Variants in NR6A1 observed in about 807,000 individuals in gnomAD.
NR6A1 encodes the protein retinoic acid receptor-related testis-associated receptor.
Under a neutral mutation model 59.1 loss-of-function variants are expected in NR6A1, and 7 were observed. That is an observed-to-expected ratio of 0.12 (90% CI 0.07 to 0.22). The LOEUF (loss-of-function observed/expected upper bound fraction) is 0.22. Among genes scored for constraint, NR6A1 ranks in the 10% least tolerant of loss-of-function variants. NR6A1 has a pLI of 1.00. For synonymous variants in NR6A1, 243 were observed against 236.1 expected, an observed-to-expected ratio of 1.03 and a Z score of -0.27; for missense variants, 468 against 611.6, an observed-to-expected ratio of 0.77 and a Z score of 2.48.
At chr9:124,610,922 C>T (rs946392406) in intron 2 of NR6A1, among the ~76,000 whole-genome samples, 2 of 152,088 alleles carry the variant, frequency 1.3e-5, no homozygotes, top group African/African-American at 4.8e-5. Context: ...GAGTTCAATA[C>T]ACCAAGCTGA....
At chr9:124,653,426 T>C (rs1837159689) in intron 2 of NR6A1, among the ~76,000 whole-genome samples, 1 of 152,156 alleles carries the variant, frequency 6.6e-6, no homozygotes, top group Non-Finnish European at 1.5e-5. Flanking sequence ...TTTGTTGTTG[T>C]TTTTTAAGAG....
chr9:124,664,067 C>T lies in NR6A1; in HGVS notation c.142+69241G>A, dbSNP rs528345866. 2.0e-5 allele frequency among the ~76,000 whole-genome samples: 3 copies of T among 152,148 alleles called. No individual in the cohort carries two copies. In the South Asian group the frequency reaches 6.2e-4, roughly 32 times the overall value. On this transcript the variant is annotated intron_variant, in intron 2 of 9. Coordinates refer to ENST00000487099, the MANE Select transcript of NR6A1 (RefSeq NM_033334.4). ...ATGAGAAATTAAAATAATTTGAAAA[C>T]ACAGAAAATTCATGTCTTAAAATCA...
intron 2 of NR6A1, among the ~76,000 whole-genome samples, chr9:124,687,903 T>TAC (rs1440606820): frequency 6.6e-6 from 1 of 152,240 alleles, no homozygotes; most frequent in Non-Finnish European, 1.5e-5. Context: ...CTTCGAATAG[T>TAC]ACACAACTCC....
chr9:124,613,475 T>C (rs1318844202), intron 2 of NR6A1, among the ~76,000 whole-genome samples: 2 of 151,620 alleles, frequency 1.3e-5, no homozygotes, highest in African/African-American at 4.8e-5. Context: ...GACAAGACCG[T>C]CTCTAAAAAA....
At chr9:124,650,362 T>C (rs191696991) in intron 2 of NR6A1, among the ~76,000 whole-genome samples, 68 of 152,130 alleles carry the variant, frequency 4.5e-4, no homozygotes, top group African/African-American at 1.5e-3. Flanking sequence ...TTCCCACTCA[T>C]ACATGGGAGC....
At chr9:124,610,155 G>A (rs1433684661) in intron 2 of NR6A1, among the ~76,000 whole-genome samples, 1 of 152,170 alleles carries the variant, frequency 6.6e-6, no homozygotes, top group Non-Finnish European at 1.5e-5. Flanking sequence ...AGTGGTGAGA[G>A]AAGGCATCCC....
chr9:124,539,072 AACG>A (rs966139128), intron 5 of NR6A1, among the ~76,000 whole-genome samples: 4 of 152,080 alleles, frequency 2.6e-5, no homozygotes, highest in African/African-American at 9.7e-5. Context: ...TTTAATTAAC[AACG>A]ACAACAACAA....
chr9:124,606,126 T>C (rs1835570086), intron 2 of NR6A1, among the ~76,000 whole-genome samples: 1 of 152,198 alleles, frequency 6.6e-6, no homozygotes, highest in African/African-American at 2.4e-5. Context: ...ATATTCCCAA[T>C]GCTCTCAGCA....
intron 2 of NR6A1, among the ~76,000 whole-genome samples, chr9:124,584,612 G>A (rs767193861): frequency 6.6e-6 from 1 of 151,992 alleles, no homozygotes; most frequent in Non-Finnish European, 1.5e-5. Context: ...ATTGTTTGGG[G>A]GTGCCACGAA....
At chr9:124,702,298 G>A (rs952442335) in intron 2 of NR6A1, among the ~76,000 whole-genome samples, 3 of 152,114 alleles carry the variant, frequency 2.0e-5, no homozygotes, top group African/African-American at 7.2e-5. Flanking sequence ...GTAAAATAGA[G>A]TCTTAGATAA....
At position 124,704,420 on chromosome 9, in the gene NR6A1, G is replaced by GT. The variant is rs569430904; in HGVS notation, c.142+28887dup. The stretch of plus-strand genomic sequence containing the variant: ...CTTGCTTCAGATGTTTGTTGCTGTT[G>GT]TTTTTTCAGAGACAGGGTCTCACTC... On this transcript the variant is annotated intron_variant, in intron 2 of 9. Transcript: ENST00000487099. Among the ~76,000 whole-genome samples the GT allele has an allele frequency of 5.1e-3, 782 of 152,186 alleles. 4 individuals carry two copies. The highest frequency in any genetic ancestry group is 9.1e-3 in the Non-Finnish European group (620 of 67,990).
intron 2 of NR6A1, among the ~76,000 whole-genome samples, chr9:124,719,780 C>T (rs555699958): frequency 2.6e-5 from 4 of 152,070 alleles, no homozygotes; most frequent in South Asian, 2.1e-4. Context: ...ATTAGCCCAC[C>T]GCGGTAATGC....
chr9:124,604,051 G>A (rs1409231904), intron 2 of NR6A1, among the ~76,000 whole-genome samples: 5 of 152,194 alleles, frequency 3.3e-5, no homozygotes, highest in Non-Finnish European at 5.9e-5. Flanking sequence ...GAGGGCTTAC[G>A]CAGTCTTTCT....
intron 2 of NR6A1, among the ~76,000 whole-genome samples, chr9:124,716,969 AAGAGATGAC>A (rs1197270584): frequency 6.6e-6 from 1 of 152,234 alleles, no homozygotes; most frequent in South Asian, 2.1e-4. Context: ...GAACACTTTT[AAGAGATGAC>A]ACATGAATGA....
intron 1 of NR6A1, among the ~76,000 whole-genome samples, chr9:124,752,535 T>C (rs750612337): frequency 2.6e-5 from 4 of 152,082 alleles, no homozygotes; most frequent in African/African-American, 7.2e-5. Context: ...GTCAAAGAAA[T>C]TGTCCTTTAA....
chr9:124,553,549 C>CTTTTTTTTTTA (rs1833840485), intron 3 of NR6A1, among the ~76,000 whole-genome samples: 1 of 47,324 alleles, frequency 2.1e-5, no homozygotes. Context: ...TTTAGCTTGA[C>CTTTTTTTTTTA]TTTTTTTTTT....
chr9:124,573,242 G>A (rs909531206), intron 2 of NR6A1, among the ~76,000 whole-genome samples: 11 of 152,144 alleles, frequency 7.2e-5, no homozygotes, highest in South Asian at 4.1e-4. Context: ...AGCTGTGAAC[G>A]CTGTAATTTC....
intron 2 of NR6A1, among the ~76,000 whole-genome samples, chr9:124,640,471 C>G (rs1836738209): frequency 6.6e-6 from 1 of 152,104 alleles, no homozygotes; most frequent in Non-Finnish European, 1.5e-5. Flanking sequence ...GTGATCGTAG[C>G]TCACTGTAAC....
chr9:124,539,406 T>C (rs1191797707), intron 5 of NR6A1, among the ~76,000 whole-genome samples: 2 of 152,140 alleles, frequency 1.3e-5, no homozygotes, highest in Non-Finnish European at 2.9e-5. Flanking sequence ...ATCCAAACCA[T>C]TAGGCCCGGA....
Sources: allele counts gnomAD v4.1 joint callset (sites outside exome capture counted in the v4.1 genomes callset), GRCh38; gene constraint gnomAD v4.1.1; transcripts MANE v1.5; gene names NCBI Gene and HGNC (gene_info 2026-07-23, HGNC 2026-07-21).